The following PHKA2 variants were observed in gnomAD, a reference collection of about 807,000 sequenced individuals.
The protein encoded by PHKA2 is phosphorylase kinase regulatory subunit alpha 2.
Under a neutral mutation model 102.0 loss-of-function variants are expected in PHKA2, and 31 were observed. The ratio of observed to expected loss-of-function variants is 0.30; its 90% confidence interval spans 0.23 to 0.41. The LOEUF (loss-of-function observed/expected upper bound fraction) is 0.41, where lower values mean the gene tolerates loss of function less well. PHKA2 is among the 10% of genes least tolerant of loss of function. The pLI is 1.00. For missense variants in PHKA2, 858 were observed against 1,023.1 expected (o/e 0.84, Z 2.20); for synonymous variants, 455 against 416.2 (o/e 1.09, Z -1.13).
In PHKA2 at chrX:18,910,781, C is replaced by T. The variant is rs764250949; in HGVS notation, c.2226+91G>A. The T allele has an allele frequency of 1.3e-5, 7 of 539,508 alleles. No homozygotes were observed. The African/African-American group carries it at 1.6e-4, about 12-fold the overall frequency. 44.5% of individuals were successfully genotyped at this position (539,508 alleles called of 1,213,427 possible). On this transcript the variant is annotated intron_variant, in intron 20 of 32. Coordinates refer to ENST00000379942, the MANE Select transcript of PHKA2 (RefSeq NM_000292.3). The stretch of plus-strand genomic sequence containing the variant: ...CCTGATATCGAGAAATATGCTGTTT[C>T]TTTTGAGTTTAGCCATTTGGAAGAG...
At chrX:18,977,714 C>G (rs940873167) in intron 1 of PHKA2, among the ~76,000 whole-genome samples, 2 of 111,781 alleles carry the variant, frequency 1.8e-5, no homozygotes, top group Non-Finnish European at 3.8e-5. Flanking sequence ...TCAAAGTCTA[C>G]TCGGTCTGAT....
chrX:18,938,036 C>T (rs1266484216), intron 10 of PHKA2, among the ~76,000 whole-genome samples: 2 of 112,488 alleles, frequency 1.8e-5, no homozygotes, highest in East Asian at 5.6e-4. Context: ...CAGTGAACCA[C>T]GCCTCCTAGT....
chrX:18,947,852 G>A (rs1207711634), intron 5 of PHKA2, among the ~76,000 whole-genome samples: 1 of 112,084 alleles, frequency 8.9e-6, no homozygotes, highest in East Asian at 2.8e-4. Flanking sequence ...CATTTGCAGC[G>A]ACCTGGATGA....
intron 10 of PHKA2, among the ~76,000 whole-genome samples, chrX:18,937,370 C>T (rs972279552): frequency 1.8e-5 from 2 of 111,321 alleles, no homozygotes; most frequent in Admixed American, 1.9e-4. Flanking sequence ...TGAGCACATA[C>T]TATGCACTAG....
rs188767440 is a variant in PHKA2 at position 18,951,029 on chromosome X, C to T, written c.454+75G>A. 386 of 1,029,533 alleles carry T rather than the reference C, an allele frequency of 3.7e-4. 2 individuals carry two copies. The South Asian group carries it at 5.7e-3, about 15-fold the overall frequency. 84.8% of individuals were successfully genotyped at this position (1,029,533 alleles called of 1,213,427 possible). On this transcript the variant is annotated intron_variant, in intron 4 of 32. Transcript: ENST00000379942. ...GCAGCACATGGCCTGACACACTGGCCGCTACCTGTCCTCCTCCCACCCCTT... is the reference window on the plus strand; with the variant it reads ...GCAGCACATGGCCTGACACACTGGCTGCTACCTGTCCTCCTCCCACCCCTT...
intron 13 of PHKA2, among the ~76,000 whole-genome samples, chrX:18,928,598 G>T (rs1414324921): frequency 8.9e-6 from 1 of 112,338 alleles, no homozygotes; most frequent in Non-Finnish European, 1.9e-5. Flanking sequence ...TAAGAAGGAA[G>T]GTAGGAAGAG....
chrX:18,926,418 T>C (rs373313357), intron 14 of PHKA2, 35 bp downstream of exon 14: 39 of 1,145,941 alleles, frequency 3.4e-5, no homozygotes, highest in Non-Finnish European at 4.5e-5. Flanking sequence ...GATGCCCCCA[T>C]GCCAAAAAGG....
intron 18 of PHKA2, 119 bp from the exon 19 acceptor site, chrX:18,918,973 G>T: frequency 1.0e-5 from 6 of 592,831 alleles, no homozygotes; most frequent in Non-Finnish European, 1.8e-5. Flanking sequence ...ACAACACTGA[G>T]ATATCGATAT....
At chrX:18,942,032 C>CA (rs2048499023) in intron 7 of PHKA2, among the ~76,000 whole-genome samples, 2 of 112,247 alleles carry the variant, frequency 1.8e-5, no homozygotes. Context: ...GCTATGAAGA[C>CA]AGAGACCAGA....
At chrX:18,935,727 C>G (rs1035590624) in intron 11 of PHKA2, among the ~76,000 whole-genome samples, 47 of 109,070 alleles carry the variant, frequency 4.3e-4, no homozygotes, top group African/African-American at 1.6e-3. Flanking sequence ...CTCAGCCTCC[C>G]AAGTAGCTGG....
intron 9 of PHKA2, among the ~76,000 whole-genome samples, chrX:18,939,649 A>G (rs754747834): frequency 1.2e-4 from 13 of 111,713 alleles, no homozygotes; most frequent in Middle Eastern, 4.6e-3. Context: ...GCCCGCCACC[A>G]CACCCGGCTA....
At chrX:18,944,095 G>A (rs1442313897) in intron 6 of PHKA2, among the ~76,000 whole-genome samples, 20 of 110,916 alleles carry the variant, frequency 1.8e-4, no homozygotes, top group Admixed American at 1.7e-3. Flanking sequence ...GATCACAGGC[G>A]TGAACCACTG....
intron 13 of PHKA2, among the ~76,000 whole-genome samples, chrX:18,927,119 C>A (rs1006467773): frequency 1.8e-5 from 2 of 111,755 alleles, no homozygotes; most frequent in Non-Finnish European, 3.8e-5. Flanking sequence ...GGGATGCTGG[C>A]GGTAGTGGAG....
At chrX:18,935,891 C>T (rs977546112) in intron 11 of PHKA2, among the ~76,000 whole-genome samples, 164 bp downstream of exon 11, 8 of 110,454 alleles carry the variant, frequency 7.2e-5, no homozygotes, top group African/African-American at 2.3e-4. Flanking sequence ...GCTGGGATTA[C>T]AGGCGTGAGC....
intron 17 of PHKA2, among the ~76,000 whole-genome samples, chrX:18,922,957 T>A (rs759636341): frequency 9.1e-6 from 1 of 109,832 alleles, no homozygotes; most frequent in African/African-American, 3.3e-5. Context: ...CCAAAAGTTT[T>A]AGCAACTGGA....
intron 1 of PHKA2, among the ~76,000 whole-genome samples, chrX:18,954,868 G>C (rs2048751852): frequency 8.9e-6 from 1 of 112,302 alleles, no homozygotes; most frequent in South Asian, 3.7e-4. Flanking sequence ...CTCTCTAGCT[G>C]TGTGTGCCCA....
chrX:18,900,522 G>A (rs2047661650), intron 28 of PHKA2, 148 bp downstream of exon 28: 2 of 544,828 alleles, frequency 3.7e-6, no homozygotes, highest in South Asian at 2.4e-5. Context: ...TCCTGCCCTC[G>A]AGTCCTGCTC....
intron 7 of PHKA2, among the ~76,000 whole-genome samples, chrX:18,943,393 T>G (rs2048525029): frequency 8.9e-6 from 1 of 112,332 alleles, no homozygotes; most frequent in South Asian, 3.7e-4. Context: ...GAAAACCATC[T>G]ATGTGCTCAA....
chrX:18,939,710 G>A (rs1488791905), intron 9 of PHKA2, among the ~76,000 whole-genome samples: 1 of 111,437 alleles, frequency 9.0e-6, no homozygotes, highest in African/African-American at 3.3e-5. Context: ...AGCCGGGATG[G>A]TCTCGATCTC....
Sources: allele counts gnomAD v4.1 joint callset (sites outside exome capture counted in the v4.1 genomes callset), GRCh38; gene constraint gnomAD v4.1.1; transcripts MANE v1.5; gene names NCBI Gene and HGNC (gene_info 2026-07-23, HGNC 2026-07-21).